The following ZHX3 variants were observed in gnomAD, a reference collection of about 807,000 sequenced individuals.
The protein encoded by ZHX3 is zinc fingers and homeoboxes 3.
A neutral mutation model predicts 64.5 loss-of-function variants in ZHX3; 20 were observed. The ratio of observed to expected loss-of-function variants is 0.31; its 90% CI spans 0.22 to 0.45. The LOEUF (loss-of-function observed/expected upper bound fraction) is 0.45. Ranked by LOEUF, ZHX3 falls within the 20% of genes least tolerant of loss-of-function variation. The pLI is 1.00. For synonymous variants in ZHX3, 423 were observed against 461.6 expected (o/e 0.92, Z 1.07); for missense variants, 1,041 against 1,195.8 (o/e 0.87, Z 1.91).
intron 2 of ZHX3, among the ~76,000 whole-genome samples, chr20:41,264,385 C>CAAAAA (rs1165922837): frequency 4.0e-5 from 3 of 74,500 alleles, no homozygotes; most frequent in African/African-American, 5.2e-5. Context: ...ACCAAAAATA[C>CAAAAA]AAAAAAAAAA....
At chr20:41,252,776 C>G (rs2042051289) in intron 2 of ZHX3, among the ~76,000 whole-genome samples, 1 of 152,056 alleles carries the variant, frequency 6.6e-6, no homozygotes, top group Non-Finnish European at 1.5e-5. Flanking sequence ...CTAAGGTCCC[C>G]TATTAGAGGT....
intron 2 of ZHX3, among the ~76,000 whole-genome samples, chr20:41,246,881 AAACC>A (rs1342533482): frequency 4.0e-4 from 41 of 103,210 alleles, no homozygotes; most frequent in East Asian, 2.2e-3. Context: ...TGAAAAAAAA[AAACC>A]AAACAAACAA....
rs756844844 is a variant in ZHX3, at chr20:41,203,544, G to A, written c.1373C>T (p.Pro458Leu). The part of the protein sequence containing the change: ...TSVPKQPGVA[P>L]INTVCSNTTS... ...TGTATTTGAACACACAGTGTTAATG[G>A]GTGCCACACCTGGCTGCTTGGGGAC... Residue 458 changes from proline (P) to leucine (L), a missense_variant, in exon 3 of 4, where the codon CCC becomes CTC. Around this residue, in one of 4 missense-constraint regions of ZHX3, gnomAD observed 649 missense variants for 739.8 expected, o/e 0.88. Coordinates refer to ENST00000683867, the MANE Select transcript of ZHX3 (RefSeq NM_001384317.1). This position sits in a 1 kb window ranked among gnomAD's most constrained non-coding sequence, Gnocchi z 7.1. 6.2e-7 allele frequency: 1 copy of A among 1,614,156 alleles called. No individual in the cohort carries two copies. The highest frequency in any genetic ancestry group is 1.1e-5 in the South Asian group (1 of 91,080).
At chr20:41,229,040 AACCTTAC>A (rs1456026048) in intron 2 of ZHX3, among the ~76,000 whole-genome samples, 11 of 152,266 alleles carry the variant, frequency 7.2e-5, no homozygotes, top group Admixed American at 7.2e-4. Flanking sequence ...ATAAAACTGA[AACCTTAC>A]ACCCATTAAA....
chr20:41,196,021 G>T (rs2037452875), intron 3 of ZHX3, among the ~76,000 whole-genome samples: 1 of 151,604 alleles, frequency 6.6e-6, no homozygotes, highest in Non-Finnish European at 1.5e-5. Context: ...GGTTTATCCT[G>T]GAGAGTATTC....
In ZHX3 at chr20:41,203,639, C is replaced by T. The variant is rs149555303; in HGVS notation, c.1278G>A (p.Leu426=). The change falls in exon 3 of 4, where the codon CTG becomes CTA. Residue 426 remains leucine (L), a synonymous_variant. Coordinates refer to ENST00000683867, the MANE Select transcript of ZHX3 (RefSeq NM_001384317.1). This position sits in a 1 kb window ranked among gnomAD's most constrained non-coding sequence, Gnocchi z 7.1. ...CATTGGCCATCAATGGCTGAGTGAC[C>T]AGAAGTCCCCCTCCTGTACCCTCTG... ...GQPEGTGGGL[L]VTQPLMANGL... The T allele has an allele frequency of 9.3e-6, 15 of 1,614,056 alleles. No homozygotes were observed. The highest frequency in any genetic ancestry group is 1.3e-5 in the African/African-American group (1 of 74,926).
At position 41,228,792 on chromosome 20, in the gene ZHX3, T is replaced by C. The variant is rs1402193960; in HGVS notation, c.-150-23726A>G. On this transcript the variant is annotated intron_variant, in intron 2 of 3. Coordinates refer to ENST00000683867, the MANE Select transcript of ZHX3 (RefSeq NM_001384317.1). The surrounding 1 kb of genome is among the most constrained non-coding windows in gnomAD (Gnocchi z 4.6). The stretch of plus-strand genomic sequence containing the variant: ...TTTCCAAGCATACTTATTTTTTTCC[T>C]AGTTTCCTTTATTCACATCTCTCTT... Among the ~76,000 whole-genome samples the C allele has an allele frequency of 6.6e-6, 1 of 152,338 alleles. No homozygotes were observed. Among genetic ancestry groups the C allele is most frequent in the African/African-American group, 2.4e-5 (1 of 41,588 alleles).
intron 3 of ZHX3, among the ~76,000 whole-genome samples, chr20:41,190,370 C>T (rs988388376): frequency 1.3e-5 from 2 of 152,070 alleles, no homozygotes; most frequent in East Asian, 3.8e-4. Context: ...AGGGTTTCAC[C>T]ATGTTGGCCA....
At chr20:41,237,530 G>GC (rs2041091705) in intron 2 of ZHX3, among the ~76,000 whole-genome samples, 1 of 152,110 alleles carries the variant, frequency 6.6e-6, no homozygotes, top group South Asian at 2.1e-4. Context: ...ACCAAACACC[G>GC]CATGTTCTCA....
At chr20:41,216,028 T>C (rs1237028370) in intron 2 of ZHX3, among the ~76,000 whole-genome samples, 2 of 150,212 alleles carry the variant, frequency 1.3e-5, no homozygotes, top group Non-Finnish European at 3.0e-5. Context: ...TTTAAGATAA[T>C]ATTCTAAAGA....
intron 2 of ZHX3, among the ~76,000 whole-genome samples, chr20:41,215,517 A>G (rs2039456322): frequency 6.6e-6 from 1 of 152,128 alleles, no homozygotes; most frequent in African/African-American, 2.4e-5. Context: ...AATGAATTGG[A>G]AGAACAGTAA....
rs1600694259 is a variant in ZHX3 at position 41,185,182 on chromosome 20, A to C, written c.*9T>G. ...GACTGGCCAGTCCTTCACATTAATCAGATCAAATTCAGTCTGTTTCTGAGA... is the reference window on the plus strand; with the variant it reads ...GACTGGCCAGTCCTTCACATTAATCCGATCAAATTCAGTCTGTTTCTGAGA... On this transcript the variant is annotated 3_prime_UTR_variant, in exon 4 of 4. Transcript: ENST00000683867. The surrounding 1 kb of genome is among the most constrained non-coding windows in gnomAD (Gnocchi z 5.0). 2.5e-6 allele frequency: 4 copies of C among 1,609,650 alleles called. No homozygotes were observed. The East Asian group carries it at 8.9e-5, about 36-fold the overall frequency.
intron 2 of ZHX3, among the ~76,000 whole-genome samples, chr20:41,253,950 G>GA (rs1351347502): frequency 6.6e-6 from 1 of 151,910 alleles, no homozygotes; most frequent in South Asian, 2.1e-4. Flanking sequence ...TAAAATGTTG[G>GA]AAAAAAATTC....
At chr20:41,286,531 T>C (rs1193515502) in intron 1 of ZHX3, among the ~76,000 whole-genome samples, 1 of 152,054 alleles carries the variant, frequency 6.6e-6, no homozygotes, top group Non-Finnish European at 1.5e-5. Flanking sequence ...ATGAGAACTC[T>C]TGGAATGTTG....
At chr20:41,274,933 G>C (rs1177529958) in intron 1 of ZHX3, among the ~76,000 whole-genome samples, 1 of 152,180 alleles carries the variant, frequency 6.6e-6, no homozygotes, top group African/African-American at 2.4e-5. Context: ...AAGGCAGGTG[G>C]ATCAACTGGG....
chr20:41,198,393 T>C (rs2037941420), intron 3 of ZHX3, among the ~76,000 whole-genome samples: 1 of 152,200 alleles, frequency 6.6e-6, no homozygotes, highest in Non-Finnish European at 1.5e-5. Flanking sequence ...CTACTAATAA[T>C]GATCTCCTTC....
In ZHX3 at chr20:41,221,809, G is replaced by A. The variant is rs1046413816; in HGVS notation, c.-150-16743C>T. Among the ~76,000 whole-genome samples, 6 of 152,342 alleles carry A rather than the reference G, an allele frequency of 3.9e-5. No individual in the cohort carries two copies. In the South Asian group the frequency reaches 1.2e-3, roughly 32 times the overall value. On this transcript the variant is annotated intron_variant, in intron 2 of 3. Coordinates refer to ENST00000683867, the MANE Select transcript of ZHX3 (RefSeq NM_001384317.1). ...ACACTCCAGGCACAGGCATCAGCTG[G>A]TGCAAAGACCTTGAGGTGAGAATGT...
At chr20:41,294,073 C>A (rs948078393) in intron 1 of ZHX3, among the ~76,000 whole-genome samples, 1 of 152,018 alleles carries the variant, frequency 6.6e-6, no homozygotes, top group Admixed American at 6.6e-5. Flanking sequence ...ACAAAAGTTC[C>A]GAGGCTCCCC....
chr20:41,311,908 C>A (rs2045148203), intron 1 of ZHX3, among the ~76,000 whole-genome samples: 1 of 152,206 alleles, frequency 6.6e-6, no homozygotes, highest in South Asian at 2.1e-4. Flanking sequence ...GGCCCTACAC[C>A]TACTGGACTC....
Sources: allele counts gnomAD v4.1 joint callset (sites outside exome capture counted in the v4.1 genomes callset), GRCh38; gene constraint gnomAD v4.1.1; regional missense constraint gnomAD v4.1.1; non-coding constraint Gnocchi (gnomAD v3.1); transcripts MANE v1.5; gene names NCBI Gene and HGNC (gene_info 2026-07-23, HGNC 2026-07-21).